MTHFD2L: variants seen among roughly 807,000 people sequenced by gnomAD.
MTHFD2L encodes bifunctional methylenetetrahydrofolate dehydrogenase/cyclohydrolase 2, mitochondrial.
A neutral mutation model predicts 34.9 loss-of-function variants in MTHFD2L; 29 were observed. That is an observed-to-expected ratio of 0.83 (90% CI 0.62 to 1.13). The LOEUF (loss-of-function observed/expected upper bound fraction) is 1.13, where lower values mean the gene tolerates loss of function less well. MTHFD2L is among the 50% of genes most tolerant of loss of function. The pLI, the probability that MTHFD2L is intolerant of heterozygous loss-of-function variation, is 0.00. For synonymous variants in MTHFD2L, 167 were observed against 155.7 expected, an observed-to-expected ratio of 1.07 and a Z score of -0.54; for missense variants, 481 against 446.5, an observed-to-expected ratio of 1.08 and a Z score of -0.70.
upstream of MTHFD2L, among the ~76,000 whole-genome samples, chr4:74,120,890 A>C (rs1218525983): frequency 6.6e-6 from 1 of 152,240 alleles, no homozygotes; most frequent in Admixed American, 6.5e-5. Context: ...AATGGGTTAA[A>C]AAACTTGCTT....
chr4:74,133,464 G>A (rs943945232), intron 1 of MTHFD2L, among the ~76,000 whole-genome samples: 1 of 151,798 alleles, frequency 6.6e-6, no homozygotes, highest in Admixed American at 6.6e-5. Flanking sequence ...GGTCTTTTGA[G>A]GTAATTTTCT....
intron 6 of MTHFD2L, among the ~76,000 whole-genome samples, chr4:74,275,991 C>A (rs1165698342): frequency 1.3e-5 from 2 of 152,052 alleles, no homozygotes; most frequent in Non-Finnish European, 2.9e-5. Context: ...GTTGCAATTG[C>A]TTTTGGTGAT....
intron 1 of MTHFD2L, among the ~76,000 whole-genome samples, chr4:74,174,275 C>G (rs1728589477): frequency 6.6e-6 from 1 of 152,044 alleles, no homozygotes; most frequent in Non-Finnish European, 1.5e-5. Flanking sequence ...CATACACATT[C>G]ATTTTATAGC....
intron 5 of MTHFD2L, among the ~76,000 whole-genome samples, chr4:74,203,400 C>T (rs1560483290): frequency 6.6e-6 from 1 of 152,058 alleles, no homozygotes; most frequent in Non-Finnish European, 1.5e-5. Context: ...TGTGTCTTAC[C>T]TAAGCAAGGT....
chr4:74,251,587 A>G (rs1428903529), intron 6 of MTHFD2L, among the ~76,000 whole-genome samples: 1 of 152,168 alleles, frequency 6.6e-6, no homozygotes, highest in Non-Finnish European at 1.5e-5. Context: ...ATGTACTTAT[A>G]GCTCTCAAGA....
chr4:74,264,293 T>C (rs1745035003), intron 6 of MTHFD2L, among the ~76,000 whole-genome samples: 1 of 152,112 alleles, frequency 6.6e-6, no homozygotes, highest in African/African-American at 2.4e-5. Context: ...ATTATCTATT[T>C]AGAAAATCTA....
intron 1 of MTHFD2L, among the ~76,000 whole-genome samples, chr4:74,134,324 C>T (rs948481851): frequency 6.6e-6 from 1 of 152,166 alleles, no homozygotes; most frequent in African/African-American, 2.4e-5. Flanking sequence ...CCCCTGGGAA[C>T]ACACCCGTGG....
chr4:74,157,289 G>A (rs1472101368), upstream of MTHFD2L: 1 of 219,066 alleles, frequency 4.6e-6, no homozygotes, highest in Non-Finnish European at 9.3e-6. Context: ...TATGAAAGAC[G>A]TTGTTCTGAC....
In MTHFD2L at chr4:74,201,362, G is replaced by A. The variant is rs771978031; in HGVS notation, c.704G>A (p.Arg235Gln). The change falls in exon 5 of 8, where the codon CGG becomes CAG. Residue 235 changes from arginine (R) to glutamine (Q), a missense_variant. Transcript: ENST00000325278. Reference protein sequence around the residue: ...MLLHTDGEHERPGGDATVTIA... With the variant: ...MLLHTDGEHEQPGGDATVTIA... ...TTACACACTGATGGAGAGCATGAAC[G>A]GCCAGGAGGTAGGTAGAACCTTGCA... The A allele has an allele frequency of 5.0e-6, 8 of 1,612,212 alleles. No homozygotes were observed. The highest frequency in any genetic ancestry group is 6.8e-6 in the Non-Finnish European group (8 of 1,178,766).
intron 6 of MTHFD2L, among the ~76,000 whole-genome samples, chr4:74,226,394 A>G (rs934435058): frequency 2.6e-5 from 4 of 152,178 alleles, no homozygotes; most frequent in Admixed American, 2.6e-4. Context: ...ATTGTGTTTT[A>G]ATACTTCCTT....
intron 6 of MTHFD2L, among the ~76,000 whole-genome samples, chr4:74,276,494 T>C (rs1746665844): frequency 1.3e-5 from 2 of 152,164 alleles, no homozygotes; most frequent in Admixed American, 1.3e-4. Context: ...CTCATAGGAA[T>C]AATTCACTTG....
chr4:74,182,302 G>T (rs1730346691), intron 3 of MTHFD2L, among the ~76,000 whole-genome samples: 1 of 152,230 alleles, frequency 6.6e-6, no homozygotes, highest in East Asian at 1.9e-4. Flanking sequence ...ACTTTTTTGT[G>T]TGTTAAGTCT....
At chr4:74,228,941 C>T (rs554087373) in intron 6 of MTHFD2L, among the ~76,000 whole-genome samples, 2 of 152,240 alleles carry the variant, frequency 1.3e-5, no homozygotes, top group East Asian at 3.9e-4. Flanking sequence ...CCAAGTTGGC[C>T]ATACACCATG....
chr4:74,251,324 T>C (rs1184683138), intron 6 of MTHFD2L, among the ~76,000 whole-genome samples: 1 of 152,226 alleles, frequency 6.6e-6, no homozygotes, highest in African/African-American at 2.4e-5. Flanking sequence ...TGAACTGTAA[T>C]GTGGTCATTT....
intron 3 of MTHFD2L, chr4:74,180,967 CTG>C (rs1031010065): frequency 6.3e-6 from 1 of 159,792 alleles, no homozygotes; most frequent in Non-Finnish European, 1.4e-5. Context: ...CTGTATTAAA[CTG>C]ATATCATATT....
At chr4:74,161,698 C>G (rs1227201929) in intron 1 of MTHFD2L, 3 of 152,194 alleles carry the variant, frequency 2.0e-5, no homozygotes, top group African/African-American at 4.8e-5. Context: ...TAATCATGGT[C>G]TTACTAATAA....
chr4:74,173,415 T>A (rs1043819985), intron 1 of MTHFD2L, among the ~76,000 whole-genome samples: 3 of 152,194 alleles, frequency 2.0e-5, no homozygotes, highest in Non-Finnish European at 2.9e-5. Context: ...TTAGAAATGA[T>A]GCCATTGCAT....
intron 3 of MTHFD2L, among the ~76,000 whole-genome samples, chr4:74,181,357 G>A (rs1331926886): frequency 4.6e-5 from 7 of 152,158 alleles, no homozygotes; most frequent in African/African-American, 9.7e-5. Context: ...CTGTACAGAA[G>A]TGCTTTATAT....
chr4:74,271,341 T>A (rs897422327), intron 6 of MTHFD2L, among the ~76,000 whole-genome samples: 1 of 152,226 alleles, frequency 6.6e-6, no homozygotes, highest in African/African-American at 2.4e-5. Context: ...TTGAATTAAT[T>A]TTTGTATAAG....
Sources: allele counts gnomAD v4.1 joint callset (sites outside exome capture counted in the v4.1 genomes callset), GRCh38; gene constraint gnomAD v4.1.1; transcripts MANE v1.5; gene names NCBI Gene and HGNC (gene_info 2026-07-23, HGNC 2026-07-21).